CFAP54: variants seen among roughly 807,000 people sequenced by gnomAD.
CFAP54 encodes cilia- and flagella-associated protein 54.
A neutral mutation model predicts 370.4 loss-of-function variants in CFAP54; 290 were observed. The ratio of observed to expected loss-of-function variants is 0.78; its 90% CI spans 0.71 to 0.86. The LOEUF is 0.86. Among genes scored for constraint, CFAP54 ranks in the 40% least tolerant of loss-of-function variants. The pLI is 0.00. For missense variants in CFAP54, 3,399 were observed against 3,528.7 expected (o/e 0.96, Z 0.93); for synonymous variants, 1,206 against 1,236.5 (o/e 0.98, Z 0.52).
chr12:96,512,549 G>A (rs1955185222), intron 4 of CFAP54, among the ~76,000 whole-genome samples: 1 of 151,646 alleles, frequency 6.6e-6, no homozygotes, highest in Non-Finnish European at 1.5e-5. Flanking sequence ...TACCATATTG[G>A]ACAGGCTGGT....
At chr12:96,503,847 A>G (rs2136350546) in intron 2 of CFAP54, 39 bp from the exon 3 acceptor site, 1 of 1,429,230 alleles carries the variant, frequency 7.0e-7, no homozygotes, top group South Asian at 1.4e-5. Flanking sequence ...AAGCTAAATG[A>G]TATTTTGGAA....
chr12:96,740,029 GAC>G lies in CFAP54; in HGVS notation c.7043_7044del (p.Thr2348ArgfsTer12). On this transcript the variant is annotated frameshift_variant, in exon 51 of 68. Transcript: ENST00000524981. LOFTEE classifies it high-confidence loss of function. ...TTTTGAAAAGAAGGTAGTACAGGAT[GAC>G]ACAGAGAATCCTGTCTCTCCAGGAA... ...KLFEKKVVQD[D>X]TENPVSPGTS... 1 of 1,604,536 alleles carries G rather than the reference GAC, an allele frequency of 6.2e-7. No homozygotes were observed. The highest frequency in any genetic ancestry group is 1.1e-5 in the South Asian group (1 of 90,382).
intron 45 of CFAP54, among the ~76,000 whole-genome samples, chr12:96,696,622 T>C (rs1470575565): frequency 6.6e-6 from 1 of 152,164 alleles, no homozygotes; most frequent in East Asian, 1.9e-4. Flanking sequence ...AGAATCTTAT[T>C]ATTTTCTATA....
Position 96,848,549 on chromosome 12 carries a change from T to G in CFAP54, c.9172-12270T>G, listed in dbSNP as rs569501669. On this transcript the variant is annotated intron_variant, in intron 66 of 67. Coordinates refer to ENST00000524981, the MANE Select transcript of CFAP54 (RefSeq NM_001306084.2). ...CCATCTCTACTAAAAATACAAAAATTAGCTGGGTGTGGTGGCATGTGCCTG... is the reference window on the plus strand; with the variant it reads ...CCATCTCTACTAAAAATACAAAAATGAGCTGGGTGTGGTGGCATGTGCCTG... Among the ~76,000 whole-genome samples, 9 of 152,130 alleles carry G rather than the reference T, an allele frequency of 5.9e-5. No homozygotes were observed. In the South Asian group the frequency reaches 1.9e-3, roughly 32 times the overall value.
At chr12:96,837,745 A>G (rs1209953311) in intron 66 of CFAP54, among the ~76,000 whole-genome samples, 6 of 152,242 alleles carry the variant, frequency 3.9e-5, no homozygotes, top group Non-Finnish European at 8.8e-5. Flanking sequence ...TTATTTGTAC[A>G]GTAAACATTT....
At chr12:96,745,924 A>G (rs1958109627) in intron 55 of CFAP54, among the ~76,000 whole-genome samples, 1 of 152,134 alleles carries the variant, frequency 6.6e-6, no homozygotes, top group Non-Finnish European at 1.5e-5. Flanking sequence ...TGATAATAGT[A>G]TTTTCAATCC....
intron 26 of CFAP54, among the ~76,000 whole-genome samples, chr12:96,619,828 C>T (rs942292878): frequency 2.0e-4 from 30 of 152,116 alleles, no homozygotes; most frequent in Non-Finnish European, 3.7e-4. Flanking sequence ...AAACTTTCTT[C>T]TGCTCATATA....
chr12:96,619,767 G>T (rs1357696726), intron 26 of CFAP54, among the ~76,000 whole-genome samples: 1 of 152,136 alleles, frequency 6.6e-6, no homozygotes, highest in Non-Finnish European at 1.5e-5. Context: ...GAGCAGACTC[G>T]TTTCTGTTTT....
At chr12:96,780,615 A>G (rs1958571776) in intron 60 of CFAP54, among the ~76,000 whole-genome samples, 1 of 152,180 alleles carries the variant, frequency 6.6e-6, no homozygotes, top group Non-Finnish European at 1.5e-5. Flanking sequence ...AACAAATACA[A>G]GAATAGTTTG....
chr12:96,772,722 C>T (rs1054390693), intron 60 of CFAP54, among the ~76,000 whole-genome samples: 2 of 151,696 alleles, frequency 1.3e-5, no homozygotes, highest in Non-Finnish European at 1.5e-5. Flanking sequence ...TGAGTTCAAG[C>T]GATTCTCCTG....
intron 39 of CFAP54, 141 bp from the exon 40 acceptor site, chr12:96,679,459 C>T: frequency 1.5e-6 from 1 of 688,144 alleles, no homozygotes; most frequent in Non-Finnish European, 2.1e-6. Flanking sequence ...AATGTTGAAA[C>T]ACCTGCTGCA....
intron 31 of CFAP54, 26 bp from the exon 32 acceptor site, chr12:96,630,525 T>G (rs1025200307): frequency 1.6e-6 from 2 of 1,227,344 alleles, no homozygotes; most frequent in African/African-American, 3.1e-5. Flanking sequence ...AAATTTAACT[T>G]GTAACATTTT....
chr12:96,537,933 C>A (rs1468205733), intron 12 of CFAP54, among the ~76,000 whole-genome samples: 2 of 151,880 alleles, frequency 1.3e-5, no homozygotes, highest in Non-Finnish European at 2.9e-5. Flanking sequence ...ACTAAAAATA[C>A]AAAAATGAGC....
Position 96,663,838 on chromosome 12 carries a change from C to T in CFAP54, c.5469C>T (p.Cys1823=), listed in dbSNP as rs1957024611. 6.2e-7 allele frequency: 1 copy of T among 1,611,416 alleles called. No homozygotes were observed. Among genetic ancestry groups the T allele is most frequent in the Admixed American group, 1.7e-5 (1 of 59,630 alleles). Residue 1823 remains cysteine, a synonymous_variant, in exon 39 of 68, where the codon TGC becomes TGT. Coordinates refer to ENST00000524981, the MANE Select transcript of CFAP54 (RefSeq NM_001306084.2). ...YEAEYGEKIT[C]RNFIGKQLKI... The stretch of plus-strand genomic sequence containing the variant: ...CACCTTTCTTTTTAAAGATAACTTG[C>T]CGAAATTTCATTGGGAAGCAGCTTA...
At chr12:96,782,580 A>G (rs1005027933) in intron 60 of CFAP54, among the ~76,000 whole-genome samples, 1 of 152,188 alleles carries the variant, frequency 6.6e-6, no homozygotes, top group Non-Finnish European at 1.5e-5. Flanking sequence ...GAAACAAATT[A>G]TAAAATTTCA....
At chr12:96,768,089 G>A (rs10860095) in intron 60 of CFAP54, among the ~76,000 whole-genome samples, 58,826 of 151,752 alleles carry the variant, frequency 0.39, 11,642 homozygotes, top group Middle Eastern at 0.44. Context: ...GGGAGGCTAA[G>A]GTGGGTGGAT....
At chr12:96,853,600 GA>G (rs1959617291) in intron 66 of CFAP54, among the ~76,000 whole-genome samples, 1 of 152,098 alleles carries the variant, frequency 6.6e-6, no homozygotes, top group Non-Finnish European at 1.5e-5. Flanking sequence ...TTGGCAAGAG[GA>G]AAATATAGAG....
chr12:96,801,626 C>T (rs926146277), intron 63 of CFAP54, among the ~76,000 whole-genome samples: 2 of 152,202 alleles, frequency 1.3e-5, no homozygotes, highest in African/African-American at 4.8e-5. Context: ...TTTATCCTGT[C>T]TCATCTTCCT....
chr12:96,585,583 A>G (rs568939143), intron 22 of CFAP54, among the ~76,000 whole-genome samples: 10 of 152,016 alleles, frequency 6.6e-5, no homozygotes, highest in African/African-American at 1.4e-4. Flanking sequence ...TGGCCTCCCA[A>G]GGTGCTGGGA....
Sources: allele counts gnomAD v4.1 joint callset (sites outside exome capture counted in the v4.1 genomes callset), GRCh38; gene constraint gnomAD v4.1.1; transcripts MANE v1.5; gene names NCBI Gene and HGNC (gene_info 2026-07-23, HGNC 2026-07-21).